Variants in ASTN2 observed in about 807,000 individuals in gnomAD.
ASTN2 encodes the protein astrotactin 2.
ASTN2 carries 54 observed loss-of-function variants against 139.8 expected under a neutral mutation model. The ratio of observed to expected loss-of-function variants is 0.39; its 90% CI spans 0.31 to 0.48. The LOEUF (loss-of-function observed/expected upper bound fraction) is 0.48. Ranked by LOEUF, ASTN2 falls within the 20% of genes least tolerant of loss-of-function variation. The pLI, the probability that ASTN2 is intolerant of heterozygous loss-of-function variation, is 0.95. For synonymous variants in ASTN2, 756 were observed against 719.5 expected (o/e 1.05, Z -0.81); for missense variants, 1,565 against 1,725.1 (o/e 0.91, Z 1.64).
intron 17 of ASTN2, among the ~76,000 whole-genome samples, chr9:116,630,801 A>C (rs938998573): frequency 6.6e-6 from 1 of 152,208 alleles, no homozygotes; most frequent in Non-Finnish European, 1.5e-5. Context: ...AAATACTTGT[A>C]AATTATGGCT....
At chr9:117,406,221 C>T (rs996395805) in intron 1 of ASTN2, among the ~76,000 whole-genome samples, 2 of 152,174 alleles carry the variant, frequency 1.3e-5, no homozygotes, top group South Asian at 2.1e-4. Context: ...AAACACACAG[C>T]GTAAATTCTG....
rs917597650 is a variant in ASTN2 at position 116,858,696 on chromosome 9, G to A, written c.2040+4887C>T. On this transcript the variant is annotated intron_variant, in intron 11 of 22. Transcript: ENST00000313400. ...CTTGGAACACTGAAGGGGAACACAG[G>A]CTCCCTCTCTTTTCTGATGTTTCAT... Among the ~76,000 whole-genome samples the A allele has an allele frequency of 1.3e-5, 2 of 152,030 alleles. 1 individual carries two copies. The highest frequency in any genetic ancestry group is 4.2e-4 in the South Asian group (2 of 4,814).
chr9:116,886,389 T>C (rs1336901855), intron 10 of ASTN2, among the ~76,000 whole-genome samples: 2 of 152,246 alleles, frequency 1.3e-5, no homozygotes, highest in Non-Finnish European at 2.9e-5. Flanking sequence ...CTTTTCTTTT[T>C]CTTGAAACAG....
At chr9:117,058,613 C>T (rs950905592) in intron 5 of ASTN2, among the ~76,000 whole-genome samples, 2 of 152,170 alleles carry the variant, frequency 1.3e-5, no homozygotes, top group African/African-American at 4.8e-5. Context: ...ATCTATACTG[C>T]CTCCTAGGTG....
chr9:117,129,528 T>C (rs1187865498), intron 4 of ASTN2, among the ~76,000 whole-genome samples: 1 of 152,240 alleles, frequency 6.6e-6, no homozygotes, highest in Non-Finnish European at 1.5e-5. Context: ...TTTTAACCTC[T>C]AATTTTTGAG....
rs59535799 is a variant in ASTN2, at chr9:116,744,958, G to A, written c.2397-11435C>T. Among the ~76,000 whole-genome samples the A allele has an allele frequency of 4.2e-3, 638 of 152,248 alleles. 4 individuals are homozygous for A. The highest frequency in any genetic ancestry group is 7.9e-3 in the African/African-American group (328 of 41,548). On this transcript the variant is annotated intron_variant, in intron 13 of 22. Coordinates refer to ENST00000313400, the MANE Select transcript of ASTN2 (RefSeq NM_001365068.1). Reference sequence around the variant, plus strand: ...AAGCAGGCCAAGTCACCACCCAGACGGAGGCTCTCAGAACTGCAATTTGCT... The same window carrying A: ...AAGCAGGCCAAGTCACCACCCAGACAGAGGCTCTCAGAACTGCAATTTGCT...
intron 10 of ASTN2, among the ~76,000 whole-genome samples, chr9:116,903,646 A>ACT (rs1156990313): frequency 1.3e-5 from 2 of 151,970 alleles, no homozygotes; most frequent in African/African-American, 4.8e-5. Context: ...TATGAGACAT[A>ACT]CTCTCTCTCT....
intron 19 of ASTN2, among the ~76,000 whole-genome samples, chr9:116,606,124 GTC>G (rs1464254988): frequency 2.0e-5 from 3 of 152,132 alleles, no homozygotes; most frequent in African/African-American, 7.2e-5. Flanking sequence ...AGAACCAGAC[GTC>G]TGTTTTTAAT....
At chr9:117,265,810 T>TAAA in intron 2 of ASTN2, among the ~76,000 whole-genome samples, 1 of 147,774 alleles carries the variant, frequency 6.8e-6, no homozygotes, top group African/African-American at 2.5e-5. Flanking sequence ...AGCAAAATGG[T>TAAA]AAAAAAAAAA....
intron 1 of ASTN2, among the ~76,000 whole-genome samples, chr9:117,413,078 G>T (rs1034321306): frequency 6.6e-6 from 1 of 152,242 alleles, no homozygotes; most frequent in African/African-American, 2.4e-5. Context: ...GTTACAGCCT[G>T]CGAGGGTGGG....
intron 19 of ASTN2, among the ~76,000 whole-genome samples, chr9:116,537,679 T>C (rs1474114159): frequency 6.6e-6 from 1 of 152,192 alleles, no homozygotes; most frequent in Non-Finnish European, 1.5e-5. Context: ...GACCATTCAC[T>C]GCAAATTGGT....
chr9:117,335,352 C>T (rs948013704), intron 1 of ASTN2, among the ~76,000 whole-genome samples: 1 of 152,152 alleles, frequency 6.6e-6, no homozygotes, highest in Non-Finnish European at 1.5e-5. Flanking sequence ...TTATTTTCTC[C>T]ACCATAAGCT....
chr9:116,637,306 G>T (rs1857121897), intron 17 of ASTN2, among the ~76,000 whole-genome samples: 1 of 152,148 alleles, frequency 6.6e-6, no homozygotes, highest in South Asian at 2.1e-4. Flanking sequence ...ACTTAGAATT[G>T]GAGAGAGGAT....
intron 5 of ASTN2, among the ~76,000 whole-genome samples, chr9:117,061,778 A>G (rs1839301912): frequency 6.6e-6 from 1 of 152,190 alleles, no homozygotes; most frequent in South Asian, 2.1e-4. Context: ...AAGGCTCTCA[A>G]TTCAGTTCTT....
chr9:116,732,858 T>C (rs1828825262), intron 14 of ASTN2, among the ~76,000 whole-genome samples: 1 of 152,162 alleles, frequency 6.6e-6, no homozygotes, highest in African/African-American at 2.4e-5. Flanking sequence ...TTTGGACTGG[T>C]CCCTTCTACC....
chr9:116,920,322 G>C (rs899918278), intron 10 of ASTN2, among the ~76,000 whole-genome samples: 6 of 152,168 alleles, frequency 3.9e-5, no homozygotes, highest in African/African-American at 7.2e-5. Flanking sequence ...AATTTTAGTG[G>C]CTTAAAAGCA....
At chr9:116,637,855 G>T (rs1015614842) in intron 17 of ASTN2, among the ~76,000 whole-genome samples, 1 of 152,126 alleles carries the variant, frequency 6.6e-6, no homozygotes, top group Non-Finnish European at 1.5e-5. Flanking sequence ...TTGGAGGATC[G>T]CTTGAGCCAG....
chr9:117,056,156 C>A (rs1034620505), intron 5 of ASTN2, among the ~76,000 whole-genome samples: 7 of 152,202 alleles, frequency 4.6e-5, no homozygotes, highest in Non-Finnish European at 1.0e-4. Context: ...CAGTCTCCTT[C>A]GAAGCCCTGA....
At chr9:116,906,628 C>T (rs1378724719) in intron 10 of ASTN2, among the ~76,000 whole-genome samples, 3 of 151,878 alleles carry the variant, frequency 2.0e-5, no homozygotes, top group East Asian at 1.9e-4. Context: ...CCCCTCACCA[C>T]CTATAGACTG....
Sources: allele counts gnomAD v4.1 joint callset (sites outside exome capture counted in the v4.1 genomes callset), GRCh38; gene constraint gnomAD v4.1.1; transcripts MANE v1.5; gene names NCBI Gene and HGNC (gene_info 2026-07-23, HGNC 2026-07-21).